CLVS1: variants seen among roughly 807,000 people sequenced by gnomAD.
CLVS1 encodes the protein clavesin-1.
CLVS1 carries 10 observed loss-of-function variants against 33.1 expected under a neutral mutation model. The ratio of observed to expected loss-of-function variants is 0.30; its 90% CI spans 0.19 to 0.51. The LOEUF (loss-of-function observed/expected upper bound fraction) is 0.51, where lower values mean the gene tolerates loss of function less well. Ranked by LOEUF, CLVS1 falls within the 20% of genes least tolerant of loss-of-function variation. The probability of loss-of-function intolerance (pLI) is 0.97; values close to 1 mark genes in which losing one functional copy is unlikely to be tolerated. For missense variants in CLVS1, 343 were observed against 433.4 expected, an observed-to-expected ratio of 0.79 and a Z score of 1.85; for synonymous variants, 163 against 166.1, an observed-to-expected ratio of 0.98 and a Z score of 0.14.
intron 2 of CLVS1, among the ~76,000 whole-genome samples, chr8:61,203,759 T>C (rs551266127): frequency 1.3e-5 from 2 of 152,328 alleles, no homozygotes; most frequent in East Asian, 3.9e-4. Flanking sequence ...TCTCTTGCTT[T>C]CTGAACATCC....
intron 4 of CLVS1, among the ~76,000 whole-genome samples, chr8:61,456,188 T>G (rs1006767578): frequency 6.6e-6 from 1 of 152,086 alleles, no homozygotes. Flanking sequence ...AGGTAGAGGG[T>G]CCAGCCTCCT....
At chr8:61,068,229 G>GTATATATATATATATATATATA in intron 1 of CLVS1, among the ~76,000 whole-genome samples, 1 of 101,010 alleles carries the variant, frequency 9.9e-6, no homozygotes, top group African/African-American at 3.6e-5. Context: ...GTATGTATGT[G>GTATATATATATATATATATATA]TATATATATA....
intron 1 of CLVS1, among the ~76,000 whole-genome samples, chr8:61,060,095 G>C (rs1804557886): frequency 6.6e-6 from 1 of 152,080 alleles, no homozygotes; most frequent in Admixed American, 6.5e-5. Context: ...GCATGATAGA[G>C]GAATAATCCT....
chr8:60,984,142 A>G, the CLVS1 span, among the ~76,000 whole-genome samples: 1 of 152,166 alleles, frequency 6.6e-6, no homozygotes. Context: ...ATGACCCTGG[A>G]GGAATCACTT....
At chr8:60,977,135 A>G in the CLVS1 span, among the ~76,000 whole-genome samples, 1 of 152,244 alleles carries the variant, frequency 6.6e-6, no homozygotes. Flanking sequence ...TACAATTGCA[A>G]AATTTGTTTA....
chr8:60,989,035 A>T, the CLVS1 span, among the ~76,000 whole-genome samples: 1 of 151,584 alleles, frequency 6.6e-6, no homozygotes, highest in Non-Finnish European at 1.5e-5. Flanking sequence ...AGCTAATTAC[A>T]AACAATTTTT....
At chr8:61,312,930 G>T (rs1327817322) in intron 2 of CLVS1, among the ~76,000 whole-genome samples, 1 of 152,068 alleles carries the variant, frequency 6.6e-6, no homozygotes, top group Non-Finnish European at 1.5e-5. Context: ...TAATAAAATT[G>T]GTTCAGTCTC....
Position 61,123,224 on chromosome 8 carries a change from G to A in CLVS1, c.-242-8546G>A, listed in dbSNP as rs551141461. Among the ~76,000 whole-genome samples, 4 of 126,714 alleles carry A rather than the reference G, an allele frequency of 3.2e-5. 1 individual carries two copies. The highest frequency in any genetic ancestry group is 7.0e-5 in the Non-Finnish European group (4 of 57,068). 83.1% of individuals were successfully genotyped at this position (126,714 alleles called of 152,430 possible). On this transcript the variant is annotated intron_variant, in intron 1 of 2. Transcript: ENST00000522621. The stretch of plus-strand genomic sequence containing the variant: ...GCGGAGGTTGCGCTGAGCCGAGATC[G>A]CACCATTGCACTCCAGCCTGGGAAA...
chr8:61,187,569 A>G (rs1158510247), intron 2 of CLVS1, among the ~76,000 whole-genome samples: 1 of 152,132 alleles, frequency 6.6e-6, no homozygotes, highest in Non-Finnish European at 1.5e-5. Context: ...ACCAAAGTAC[A>G]GACAAGTTTG....
At chr8:61,192,685 C>G (rs1405054194) in intron 2 of CLVS1, among the ~76,000 whole-genome samples, 1 of 152,086 alleles carries the variant, frequency 6.6e-6, no homozygotes, top group Non-Finnish European at 1.5e-5. Flanking sequence ...AAAAAACAAA[C>G]AACCCCATCA....
At chr8:61,059,473 T>TAC (rs983389474) in intron 1 of CLVS1, among the ~76,000 whole-genome samples, 2 of 80,370 alleles carry the variant, frequency 2.5e-5, no homozygotes, top group Admixed American at 1.6e-4. Flanking sequence ...CATACATACA[T>TAC]ACATATATAT....
At chr8:61,080,130 A>C (rs1487015008) in intron 1 of CLVS1, among the ~76,000 whole-genome samples, 1 of 152,244 alleles carries the variant, frequency 6.6e-6, no homozygotes, top group Non-Finnish European at 1.5e-5. Flanking sequence ...TTCTATTAAC[A>C]GTAAGGACTT....
chr8:61,303,918 A>G (rs1810522344), intron 2 of CLVS1, among the ~76,000 whole-genome samples: 1 of 152,240 alleles, frequency 6.6e-6, no homozygotes, highest in Non-Finnish European at 1.5e-5. Flanking sequence ...GTAATAGAGG[A>G]CAGATGGTAA....
intron 5 of CLVS1, among the ~76,000 whole-genome samples, chr8:61,485,586 C>T (rs1032166229): frequency 3.3e-5 from 5 of 152,210 alleles, no homozygotes; most frequent in Admixed American, 2.6e-4. Context: ...CCAGCCATCC[C>T]ATTACTGGGA....
At chr8:61,375,539 C>T (rs949515573) in intron 2 of CLVS1, among the ~76,000 whole-genome samples, 9 of 152,202 alleles carry the variant, frequency 5.9e-5, no homozygotes, top group Non-Finnish European at 4.4e-5. Context: ...GCTTTAGCCA[C>T]CGCCTGGCCC....
chr8:61,479,095 T>G (rs544759698), intron 5 of CLVS1, among the ~76,000 whole-genome samples: 109 of 152,312 alleles, frequency 7.2e-4, no homozygotes, highest in South Asian at 1.7e-3. Context: ...CTTTGTGGCA[T>G]TCTCTCTATT....
At chr8:61,006,519 C>A in the CLVS1 span, among the ~76,000 whole-genome samples, 2 of 152,140 alleles carry the variant, frequency 1.3e-5, no homozygotes, top group African/African-American at 4.8e-5. Flanking sequence ...AGGTGACCCA[C>A]GACACAGTGG....
At chr8:61,497,444 G>GC (rs916164589) in intron 5 of CLVS1, among the ~76,000 whole-genome samples, 8 of 132,570 alleles carry the variant, frequency 6.0e-5, no homozygotes, top group African/African-American at 2.3e-4. Context: ...GTTTTTATTG[G>GC]GGGGGGGGTG....
chr8:61,490,683 C>T (rs956343820), intron 5 of CLVS1, among the ~76,000 whole-genome samples: 3 of 129,092 alleles, frequency 2.3e-5, no homozygotes, highest in African/African-American at 5.7e-5. Flanking sequence ...GTAGGTAAAT[C>T]GGCTTTGGCT....
Sources: allele counts gnomAD v4.1 joint callset (sites outside exome capture counted in the v4.1 genomes callset), GRCh38; gene constraint gnomAD v4.1.1; transcripts MANE v1.5; gene names NCBI Gene and HGNC (gene_info 2026-07-23, HGNC 2026-07-21).